RNF11: variants seen among roughly 807,000 people sequenced by gnomAD.
RNF11 encodes ring finger protein 11.
RNF11 carries 4 observed loss-of-function variants against 15.8 expected under a neutral mutation model. The ratio of observed to expected loss-of-function variants is 0.25; its 90% CI spans 0.12 to 0.58. RNF11 has a LOEUF of 0.58. Among genes scored for constraint, RNF11 ranks in the 20% least tolerant of loss-of-function variants. The pLI, the probability that RNF11 is intolerant of heterozygous loss-of-function variation, is 0.91. For missense variants in RNF11, 139 were observed against 194.4 expected, an observed-to-expected ratio of 0.71 and a Z score of 1.70; for synonymous variants, 68 against 72.3, an observed-to-expected ratio of 0.94 and a Z score of 0.30.
intron 1 of RNF11, chr1:51,266,046 T>C (rs1646953223): frequency 6.6e-6 from 1 of 152,122 alleles, no homozygotes; most frequent in Non-Finnish European, 1.5e-5. Flanking sequence ...AGGTATTTTG[T>C]CTGTTATGCT....
intron 1 of RNF11, among the ~76,000 whole-genome samples, chr1:51,241,398 C>T (rs187254531): frequency 4.4e-4 from 67 of 152,298 alleles, no homozygotes; most frequent in Admixed American, 3.6e-3. Flanking sequence ...GCTTCAGCCT[C>T]CTGAGTAGCT....
At chr1:51,240,098 A>G (rs1646821877) in intron 1 of RNF11, among the ~76,000 whole-genome samples, 1 of 152,212 alleles carries the variant, frequency 6.6e-6, no homozygotes, top group Non-Finnish European at 1.5e-5. Context: ...AAAACTGAGC[A>G]TGACAGTCTC....
chr1:51,248,357 C>G (rs1335942288), intron 1 of RNF11, among the ~76,000 whole-genome samples: 1 of 151,898 alleles, frequency 6.6e-6, no homozygotes, highest in Non-Finnish European at 1.5e-5. Flanking sequence ...ATAGGCGGCG[C>G]CACCATGCCT....
intron 1 of RNF11, chr1:51,251,131 G>A (rs958250153): frequency 9.7e-6 from 15 of 1,551,450 alleles, no homozygotes; most frequent in African/African-American, 1.4e-5. Context: ...TGGCCAGCAC[G>A]GGTCTGCGTC....
chr1:51,248,481 C>T (rs528509396), intron 1 of RNF11, among the ~76,000 whole-genome samples: 8 of 152,200 alleles, frequency 5.3e-5, no homozygotes, highest in African/African-American at 2.4e-5. Flanking sequence ...GGATTACTGG[C>T]GTCAGCCACG....
chr1:51,237,203 A>G (rs904334891), intron 1 of RNF11, among the ~76,000 whole-genome samples: 1 of 151,706 alleles, frequency 6.6e-6, no homozygotes, highest in Non-Finnish European at 1.5e-5. Flanking sequence ...TCTGAATCGT[A>G]TGATTTCCTC....
chr1:51,252,810 T>A (rs1214813958), intron 1 of RNF11, among the ~76,000 whole-genome samples: 1 of 149,652 alleles, frequency 6.7e-6, no homozygotes, highest in Non-Finnish European at 1.5e-5. Flanking sequence ...CCAGTTTGTG[T>A]GTGTGTGTGT....
intron 1 of RNF11, chr1:51,251,119 G>A (rs1646875646): frequency 2.5e-5 from 39 of 1,550,932 alleles, no homozygotes; most frequent in Admixed American, 3.5e-5. Flanking sequence ...AACCTGGTGC[G>A]CTGGCCAGCA....
intron 1 of RNF11, among the ~76,000 whole-genome samples, chr1:51,241,425 A>C (rs1307400433): frequency 3.3e-5 from 5 of 152,182 alleles, no homozygotes; most frequent in Admixed American, 2.0e-4. Flanking sequence ...ACAGGGTTAC[A>C]CCACCGTGTC....
At position 51,250,629 on chromosome 1, in the gene RNF11, C is replaced by T. The variant is rs1386298890; in HGVS notation, c.123+13750C>T. The T allele has an allele frequency of 1.6e-5, 12 of 739,560 alleles. No homozygotes were observed. In the East Asian group the frequency reaches 2.0e-4, roughly 12 times the overall value. 45.8% of individuals were successfully genotyped at this position (739,560 alleles called of 1,614,324 possible). On this transcript the variant is annotated intron_variant, in intron 1 of 2. Coordinates refer to ENST00000242719, the MANE Select transcript of RNF11 (RefSeq NM_014372.5). ...TGTAGCCACAGCTGGAGCCTGGGTC[C>T]GCTGCACGGAGACTCTGGCGTGGGC...
intron 1 of RNF11, among the ~76,000 whole-genome samples, chr1:51,253,522 T>TAA (rs77641046): frequency 1.1e-4 from 14 of 128,306 alleles, no homozygotes; most frequent in Admixed American, 2.4e-4. Flanking sequence ...TCCTGTCTCT[T>TAA]AAAAAAAAAA....
chr1:51,266,470 A>G (rs1463114106), intron 1 of RNF11, among the ~76,000 whole-genome samples: 2 of 150,330 alleles, frequency 1.3e-5, no homozygotes, highest in Admixed American at 1.3e-4. Flanking sequence ...AATCATTAGC[A>G]GTTTTTCTTT....
At chr1:51,257,048 A>T (rs1646906989) in intron 1 of RNF11, among the ~76,000 whole-genome samples, 1 of 152,154 alleles carries the variant, frequency 6.6e-6, no homozygotes, top group African/African-American at 2.4e-5. Flanking sequence ...GCCAGGACTT[A>T]ATGTCAGTGT....
At chr1:51,253,068 G>A (rs12729447) in intron 1 of RNF11, among the ~76,000 whole-genome samples, 14,064 of 151,630 alleles carry the variant, frequency 0.093, 957 homozygotes, top group African/African-American at 0.18. Context: ...CTCGTGATCC[G>A]CCCGCCTCTG....
At chr1:51,267,650 A>G (rs577302812) in intron 1 of RNF11, among the ~76,000 whole-genome samples, 2 of 152,232 alleles carry the variant, frequency 1.3e-5, no homozygotes, top group Non-Finnish European at 2.9e-5. Context: ...AAAATTCCTG[A>G]TTCTCAGAGG....
chr1:51,242,954 T>TC (rs1646836813), intron 1 of RNF11, among the ~76,000 whole-genome samples: 2 of 152,202 alleles, frequency 1.3e-5, no homozygotes, highest in Non-Finnish European at 2.9e-5. Flanking sequence ...GTTTTATCCC[T>TC]CCCCTTCTTT....
intron 1 of RNF11, among the ~76,000 whole-genome samples, chr1:51,257,848 C>CTTTTTTTTTTTTTTTTTTTTTTTT (rs201557519): frequency 2.4e-5 from 2 of 84,926 alleles, no homozygotes; most frequent in Non-Finnish European, 2.4e-5. Context: ...CTTTTCTTTT[C>CTTTTTTTTTTTTTTTTTTTTTTTT]TTTTCTTTTT....
chr1:51,242,324 C>T (rs566616845), intron 1 of RNF11, among the ~76,000 whole-genome samples: 1 of 145,862 alleles, frequency 6.9e-6, no homozygotes, highest in South Asian at 2.1e-4. Flanking sequence ...CTTCAAGATA[C>T]CTTTTTTTTT....
intron 1 of RNF11, among the ~76,000 whole-genome samples, chr1:51,245,884 A>G (rs1441295093): frequency 1.3e-5 from 2 of 152,194 alleles, no homozygotes; most frequent in African/African-American, 2.4e-5. Context: ...AATACAACAC[A>G]TCTCTAATTC....
Sources: allele counts gnomAD v4.1 joint callset (sites outside exome capture counted in the v4.1 genomes callset), GRCh38; gene constraint gnomAD v4.1.1; transcripts MANE v1.5; gene names NCBI Gene and HGNC (gene_info 2026-07-23, HGNC 2026-07-21).